RAPGEF4: variants seen among roughly 807,000 people sequenced by gnomAD.
RAPGEF4 encodes the protein RAP guanine-nucleotide-exchange factor (GEF) 4.
RAPGEF4 carries 66 observed loss-of-function variants against 147.9 expected under a neutral mutation model. That is an observed-to-expected ratio of 0.45 (90% CI 0.37 to 0.55). The LOEUF (loss-of-function observed/expected upper bound fraction) is 0.55, where lower values mean the gene tolerates loss of function less well. RAPGEF4 is among the 20% of genes least tolerant of loss of function. The pLI is 0.00. For synonymous variants in RAPGEF4, 419 were observed against 442.7 expected (o/e 0.95, Z 0.67); for missense variants, 1,071 against 1,257.3 (o/e 0.85, Z 2.24).
chr2:172,740,462 T>G (rs1279038714), intron 1 of RAPGEF4, among the ~76,000 whole-genome samples: 1 of 152,230 alleles, frequency 6.6e-6, no homozygotes. Context: ...TTAAAAATAC[T>G]CCATGGACAG....
chr2:172,834,339 G>A (rs1690690795), intron 4 of RAPGEF4, among the ~76,000 whole-genome samples: 1 of 152,198 alleles, frequency 6.6e-6, no homozygotes, highest in Admixed American at 6.5e-5. Context: ...ATAATCATGT[G>A]TGGAAAATAG....
chr2:172,754,304 T>A (rs1251383357), intron 1 of RAPGEF4, among the ~76,000 whole-genome samples: 1 of 152,194 alleles, frequency 6.6e-6, no homozygotes, highest in East Asian at 1.9e-4. Flanking sequence ...ATACAGATCA[T>A]GTGGCTTAAG....
chr2:172,967,415 C>A lies in RAPGEF4; in HGVS notation c.975C>A (p.Asp325Glu). The A allele has an allele frequency of 6.2e-7, 1 of 1,611,690 alleles. No homozygotes were observed. Among genetic ancestry groups the A allele is most frequent in the Non-Finnish European group, 8.5e-7 (1 of 1,179,666 alleles). The change falls in exon 10 of 31, where the codon GAC becomes GAA. Residue 325 changes from aspartate (D) to glutamate (E), a missense_variant. Asp to Glu is a conservative substitution (Grantham distance 45, BLOSUM62 2). Coordinates refer to ENST00000397081, the MANE Select transcript of RAPGEF4 (RefSeq NM_007023.4). ...TMLLLSQMGPDAHMRMILRKP... is the reference protein window; with the variant it reads ...TMLLLSQMGPEAHMRMILRKP... ...TGCTGCTGTCACAGATGGGCCCCGACGCCCACATGAGGATGATCCTTCGCA... is the reference window on the plus strand; with the variant it reads ...TGCTGCTGTCACAGATGGGCCCCGAAGCCCACATGAGGATGATCCTTCGCA...
At chr2:172,856,364 A>G (rs970729884) in intron 4 of RAPGEF4, among the ~76,000 whole-genome samples, 2 of 152,124 alleles carry the variant, frequency 1.3e-5, no homozygotes, top group African/African-American at 4.8e-5. Flanking sequence ...GCACTTAGTT[A>G]TAATAGCTGC....
At chr2:172,998,876 G>C (rs188853947) in intron 16 of RAPGEF4, among the ~76,000 whole-genome samples, 1 of 152,126 alleles carries the variant, frequency 6.6e-6, no homozygotes, top group African/African-American at 2.4e-5. Flanking sequence ...TATATATTCT[G>C]GTACATTAGA....
chr2:172,779,054 T>C (rs1254253232), intron 1 of RAPGEF4, among the ~76,000 whole-genome samples: 4 of 152,206 alleles, frequency 2.6e-5, no homozygotes, highest in Non-Finnish European at 4.4e-5. Flanking sequence ...TTATACATTC[T>C]CATGTACAAA....
intron 4 of RAPGEF4, among the ~76,000 whole-genome samples, chr2:172,840,032 A>ACTTT (rs1227685039): frequency 6.6e-6 from 1 of 152,160 alleles, no homozygotes; most frequent in Non-Finnish European, 1.5e-5. Context: ...TCTCTTTAGT[A>ACTTT]CTTTGTCTTG....
At chr2:172,964,531 G>A (rs969697996) in intron 8 of RAPGEF4, among the ~76,000 whole-genome samples, 1 of 148,250 alleles carries the variant, frequency 6.7e-6, no homozygotes, top group African/African-American at 2.5e-5. Context: ...CTTCAAGATT[G>A]TTCCCAAAGT....
At chr2:172,771,980 A>G (rs1683663149) in intron 1 of RAPGEF4, among the ~76,000 whole-genome samples, 1 of 152,212 alleles carries the variant, frequency 6.6e-6, no homozygotes, top group Non-Finnish European at 1.5e-5. Flanking sequence ...CAACATGTCT[A>G]TAATCCCAAC....
intron 30 of RAPGEF4, among the ~76,000 whole-genome samples, chr2:173,051,224 T>G (rs910057230): frequency 1.3e-5 from 2 of 152,224 alleles, no homozygotes; most frequent in South Asian, 4.1e-4. Context: ...GTTAAGCGCT[T>G]TTGTGAGGGG....
chr2:172,828,242 C>G (rs528233135), intron 4 of RAPGEF4, among the ~76,000 whole-genome samples: 1 of 152,208 alleles, frequency 6.6e-6, no homozygotes, highest in East Asian at 1.9e-4. Context: ...AAAAGGGTTT[C>G]CAGACCAAGT....
intron 1 of RAPGEF4, among the ~76,000 whole-genome samples, chr2:172,767,815 A>T (rs888646320): frequency 3.3e-5 from 5 of 152,090 alleles, no homozygotes; most frequent in Non-Finnish European, 7.4e-5. Context: ...ACTAGGTTCC[A>T]GAGTCTATAG....
intron 15 of RAPGEF4, among the ~76,000 whole-genome samples, chr2:172,992,496 C>G (rs1692928740): frequency 6.6e-6 from 1 of 152,206 alleles, no homozygotes; most frequent in African/African-American, 2.4e-5. Context: ...TGAGAATTCT[C>G]CTTAACCTAG....
chr2:172,896,148 A>G (rs1188038582), intron 4 of RAPGEF4, among the ~76,000 whole-genome samples: 1 of 152,252 alleles, frequency 6.6e-6, no homozygotes, highest in Non-Finnish European at 1.5e-5. Flanking sequence ...ACATAGAATA[A>G]GAAAACGGAA....
rs139592809 is a variant in RAPGEF4, at chr2:172,955,713, C to T, written c.538-5047C>T. Among the ~76,000 whole-genome samples the T allele has an allele frequency of 1.9e-4, 29 of 152,278 alleles. 1 individual carries two copies. The highest frequency in any genetic ancestry group is 7.8e-4 in the Admixed American group (12 of 15,300). On this transcript the variant is annotated intron_variant, in intron 6 of 30. Transcript: ENST00000397081. ...AAACATGGGGCTCTAGGAAGCAAAC[C>T]GAGCAGGCCAAATGCAGCCCCTACT...
At chr2:172,826,836 G>A (rs1217317470) in intron 4 of RAPGEF4, among the ~76,000 whole-genome samples, 2 of 151,966 alleles carry the variant, frequency 1.3e-5, no homozygotes, top group Non-Finnish European at 2.9e-5. Flanking sequence ...GCCCAGTGTG[G>A]TAGCATGTGC....
intron 4 of RAPGEF4, among the ~76,000 whole-genome samples, chr2:172,878,063 T>G (rs960684308): frequency 3.9e-5 from 6 of 152,204 alleles, no homozygotes; most frequent in Non-Finnish European, 7.3e-5. Context: ...TTAGAACAAA[T>G]TACTTAAGTT....
At chr2:172,967,195 T>C in intron 9 of RAPGEF4, 66 bp from the exon 10 acceptor site, 1 of 1,499,748 alleles carries the variant, frequency 6.7e-7, no homozygotes, top group Non-Finnish European at 9.1e-7. Context: ...TCTGCATTTG[T>C]TTCTAGTAAA....
chr2:172,843,021 T>A (rs1691788010), intron 4 of RAPGEF4, among the ~76,000 whole-genome samples: 1 of 152,234 alleles, frequency 6.6e-6, no homozygotes, highest in African/African-American at 2.4e-5. Flanking sequence ...TTAGTCCTGC[T>A]GACACTGGTG....
Sources: allele counts gnomAD v4.1 joint callset (sites outside exome capture counted in the v4.1 genomes callset), GRCh38; gene constraint gnomAD v4.1.1; transcripts MANE v1.5; gene names NCBI Gene and HGNC (gene_info 2026-07-23, HGNC 2026-07-21).